PRPF39: variants seen among roughly 807,000 people sequenced by gnomAD.
PRPF39 encodes pre-mRNA-processing factor 39.
PRPF39 carries 27 observed loss-of-function variants against 82.1 expected under a neutral mutation model. That is an observed-to-expected ratio of 0.33 (90% CI 0.24 to 0.45). The LOEUF (loss-of-function observed/expected upper bound fraction) is 0.45. PRPF39 is among the 20% of genes least tolerant of loss of function. The pLI is 1.00. For synonymous variants in PRPF39, 261 were observed against 256.4 expected (o/e 1.02, Z -0.17); for missense variants, 581 against 796.9 (o/e 0.73, Z 3.26).
chr14:45,096,964 A>C lies in PRPF39; in HGVS notation c.528A>C (p.Thr176=). 1 of 1,553,940 alleles carries C rather than the reference A, an allele frequency of 6.4e-7. No homozygotes were observed. Among genetic ancestry groups the C allele is most frequent in the Non-Finnish European group, 8.7e-7 (1 of 1,148,534 alleles). The change falls in exon 4 of 14, where the codon ACA becomes ACC. Residue 176 remains threonine (T), a synonymous_variant. Coordinates refer to ENST00000355765, the MANE Select transcript of PRPF39 (RefSeq NM_017922.4). The part of the protein sequence containing the change: ...WIHYINFLKE[T]LDPGDPETNN... ...ATTATATAAACTTCTTAAAAGAAAC[A>C]TTGGACCCTGGTGATCCTGAGACAA...
rs752858317 is a variant in PRPF39, at chr14:45,095,233, A to G, written c.-7A>G. The G allele has an allele frequency of 1.3e-6, 2 of 1,568,292 alleles. No homozygotes were observed. Among genetic ancestry groups the G allele is most frequent in the East Asian group, 4.5e-5 (2 of 44,226 alleles). On this transcript the variant is annotated 5_prime_UTR_variant, in exon 2 of 14. Transcript: ENST00000355765. The stretch of plus-strand genomic sequence containing the variant: ...CGTGTTTCCACAGATCGTTAACTGA[A>G]GACAATATGCAAAATTCTCACATGG...
intron 1 of PRPF39, among the ~76,000 whole-genome samples, chr14:45,092,430 G>A (rs1001592049): frequency 6.6e-6 from 1 of 151,742 alleles, no homozygotes. Context: ...GTGAAACCTC[G>A]TCTCTCCTAA....
chr14:45,102,477 T>C (rs1884407228), intron 4 of PRPF39, 52 bp from the exon 5 acceptor site: 4 of 1,414,328 alleles, frequency 2.8e-6, no homozygotes, highest in Non-Finnish European at 3.8e-6. Context: ...AATAATATTT[T>C]AAAAGTGATT....
intron 4 of PRPF39, among the ~76,000 whole-genome samples, chr14:45,101,606 CA>C (rs1884376884): frequency 6.6e-6 from 1 of 151,984 alleles, no homozygotes; most frequent in African/African-American, 2.4e-5. Context: ...GCTCGGATTA[CA>C]GATGTGCACC....
At chr14:45,090,967 A>G (rs1325931595) in intron 1 of PRPF39, among the ~76,000 whole-genome samples, 2 of 152,150 alleles carry the variant, frequency 1.3e-5, no homozygotes, top group African/African-American at 2.4e-5. Flanking sequence ...TAATTCTTTC[A>G]ATGGCATTCA....
chr14:45,096,699 C>G (rs1048915192), intron 3 of PRPF39, 188 bp from the exon 4 acceptor site: 3 of 1,521,926 alleles, frequency 2.0e-6, no homozygotes, highest in African/African-American at 2.8e-5. Flanking sequence ...CTTTGAAGAT[C>G]AAGACTCTGC....
At chr14:45,111,033 ATTG>A (rs1344669610) in intron 10 of PRPF39, 3 of 529,006 alleles carry the variant, frequency 5.7e-6, no homozygotes, top group South Asian at 2.5e-5. Context: ...TTGGGTTAAA[ATTG>A]TTGTAGACAT....
intron 1 of PRPF39, among the ~76,000 whole-genome samples, chr14:45,086,446 A>G (rs1167061448): frequency 6.6e-6 from 1 of 152,120 alleles, no homozygotes; most frequent in East Asian, 1.9e-4. Flanking sequence ...CTTTGTGCCT[A>G]TCATATGATT....
chr14:45,090,315 A>T (rs1883979053), intron 1 of PRPF39, among the ~76,000 whole-genome samples: 1 of 152,174 alleles, frequency 6.6e-6, no homozygotes, highest in Non-Finnish European at 1.5e-5. Flanking sequence ...ACTAGAAGGG[A>T]ACTTATTTTT....
chr14:45,102,788 G>C, intron 5 of PRPF39, 92 bp downstream of exon 5: 1 of 1,245,446 alleles, frequency 8.0e-7, no homozygotes, highest in Non-Finnish European at 1.1e-6. Context: ...TGTTATGTAA[G>C]CTTTTATTAT....
Position 45,110,252 on chromosome 14 carries a change from G to T in PRPF39, c.1303+32G>T, listed in dbSNP as rs1680463237. The T allele has an allele frequency of 6.2e-7, 1 of 1,609,994 alleles. No homozygotes were observed. Among genetic ancestry groups the T allele is most frequent in the African/African-American group, 1.3e-5 (1 of 74,912 alleles). On this transcript the variant is annotated intron_variant, in intron 9 of 13. Coordinates refer to ENST00000355765, the MANE Select transcript of PRPF39 (RefSeq NM_017922.4). This position sits in a 1 kb window ranked among gnomAD's most constrained non-coding sequence, Gnocchi z 4.0. ...GTGGAGAAATTCAGTTGACATTTTT[G>T]AGATTTTAAGTTATTTCAGGAAACA...
chr14:45,105,180 GCTGAAAAAATAC>G (rs1884488860), intron 5 of PRPF39, among the ~76,000 whole-genome samples: 1 of 152,092 alleles, frequency 6.6e-6, no homozygotes, highest in South Asian at 2.1e-4. Context: ...ACAAAAAACT[GCTGAAAAAATAC>G]TGCTTAATAT....
intron 1 of PRPF39, among the ~76,000 whole-genome samples, chr14:45,089,613 A>C (rs999661524): frequency 1.3e-5 from 2 of 152,086 alleles, no homozygotes; most frequent in Non-Finnish European, 2.9e-5. Context: ...GGTTTTTGCT[A>C]TGTTGCCTGG....
intron 4 of PRPF39, among the ~76,000 whole-genome samples, chr14:45,101,772 T>G (rs1451545606): frequency 6.6e-6 from 1 of 151,600 alleles, no homozygotes; most frequent in African/African-American, 2.4e-5. Flanking sequence ...ATTTTAGAAT[T>G]GAGAGGGGCT....
chr14:45,114,692 A>C (rs745533836), intron 13 of PRPF39, 78 bp downstream of exon 13: 1 of 1,515,992 alleles, frequency 6.6e-7, no homozygotes, highest in Non-Finnish European at 8.9e-7. Context: ...TTTTTAAAAA[A>C]AGTTTTTGTT....
At chr14:45,097,387 G>A (rs1490837067) in intron 4 of PRPF39, among the ~76,000 whole-genome samples, 1 of 151,534 alleles carries the variant, frequency 6.6e-6, no homozygotes, top group African/African-American at 2.4e-5. Flanking sequence ...TTTATAAAAA[G>A]TATCTTATAA....
intron 6 of PRPF39, among the ~76,000 whole-genome samples, chr14:45,108,176 G>T (rs1271878024): frequency 6.6e-6 from 1 of 152,094 alleles, no homozygotes; most frequent in Non-Finnish European, 1.5e-5. Context: ...TGCCTAGGTT[G>T]TGTATCTACT....
rs772577074 is a variant in PRPF39 at position 45,096,219 on chromosome 14, A to G, written c.441A>G (p.Pro147=). 251 of 1,594,440 alleles carry G rather than the reference A, an allele frequency of 1.6e-4. No homozygotes were observed. The highest frequency in any genetic ancestry group is 3.8e-4 in the East Asian group (17 of 44,302). Reference sequence around the variant, plus strand: ...AAAAGCGGCACGACAACATTAAACCATCAGATGAGGTGCGTACATCACTGA... The same window carrying G: ...AAAAGCGGCACGACAACATTAAACCGTCAGATGAGGTGCGTACATCACTGA... ...DLEKRHDNIK[P]SDEVYRRGLQ... Residue 147 remains proline (P), a synonymous_variant, in exon 3 of 14, where the codon CCA becomes CCG. Coordinates refer to ENST00000355765, the MANE Select transcript of PRPF39 (RefSeq NM_017922.4).
At chr14:45,111,160 T>C (rs368169281) in intron 10 of PRPF39, among the ~76,000 whole-genome samples, 2 of 152,248 alleles carry the variant, frequency 1.3e-5, no homozygotes, top group Non-Finnish European at 2.9e-5. Flanking sequence ...TTGCCTATGT[T>C]GTAAGCACAT....
Sources: allele counts gnomAD v4.1 joint callset (sites outside exome capture counted in the v4.1 genomes callset), GRCh38; gene constraint gnomAD v4.1.1; non-coding constraint Gnocchi (gnomAD v3.1); transcripts MANE v1.5; gene names NCBI Gene and HGNC (gene_info 2026-07-23, HGNC 2026-07-21).